RABGEF1: variants seen among roughly 807,000 people sequenced by gnomAD.
RABGEF1 encodes rab5 GDP/GTP exchange factor.
In RABGEF1, 26 loss-of-function variants were observed where a neutral mutation model predicts 57.3. That is an observed-to-expected ratio of 0.45 (90% CI 0.33 to 0.63). RABGEF1 has a LOEUF of 0.63. RABGEF1 is among the 20% of genes least tolerant of loss of function. RABGEF1 has a pLI of 0.02. For synonymous variants in RABGEF1, 185 were observed against 210.7 expected (o/e 0.88, Z 1.06); for missense variants, 464 against 607.6 (o/e 0.76, Z 2.48).
chr7:66,759,394 A>AGG (rs1803644549), intron 1 of RABGEF1, among the ~76,000 whole-genome samples: 1 of 152,208 alleles, frequency 6.6e-6, no homozygotes, highest in Non-Finnish European at 1.5e-5. Context: ...CCAGCCGTAA[A>AGG]CTCTAGCAAC....
chr7:66,741,093 A>G (rs1188224132), intron 1 of RABGEF1, among the ~76,000 whole-genome samples: 1 of 151,936 alleles, frequency 6.6e-6, no homozygotes, highest in Non-Finnish European at 1.5e-5. Flanking sequence ...GACGCGGAGC[A>G]TTTCCTGGCC....
At chr7:66,674,552 C>G in the RABGEF1 span, among the ~76,000 whole-genome samples, 3 of 151,896 alleles carry the variant, frequency 2.0e-5, no homozygotes, top group Non-Finnish European at 4.4e-5. Flanking sequence ...TGGAAACAAC[C>G]CGAATGTCCA....
At chr7:66,695,635 G>T (rs1456802728) in intron 1 of RABGEF1, among the ~76,000 whole-genome samples, 3 of 151,456 alleles carry the variant, frequency 2.0e-5, no homozygotes, top group Non-Finnish European at 4.4e-5. Flanking sequence ...TAGATGACTG[G>T]CTGGGCACGG....
At chr7:66,736,215 G>A (rs532385622), upstream of RABGEF1, among the ~76,000 whole-genome samples, 3 of 152,324 alleles carry the variant, frequency 2.0e-5, no homozygotes, top group South Asian at 2.1e-4. Flanking sequence ...CTTCACCCAT[G>A]CACACACTTT....
intron 1 of RABGEF1, among the ~76,000 whole-genome samples, chr7:66,686,037 G>A (rs546310813): frequency 6.6e-6 from 1 of 152,234 alleles, no homozygotes; most frequent in South Asian, 2.1e-4. Flanking sequence ...CCAACACTTT[G>A]GGAAGCTGAG....
intron 4 of RABGEF1, among the ~76,000 whole-genome samples, chr7:66,789,498 C>T (rs757453127): frequency 5.3e-5 from 8 of 151,704 alleles, no homozygotes; most frequent in South Asian, 4.2e-4. Flanking sequence ...CTGGCTAACA[C>T]GGTGAAACCC....
At chr7:66,744,383 AGAT>A (rs1799710424) in intron 1 of RABGEF1, among the ~76,000 whole-genome samples, 1 of 151,218 alleles carries the variant, frequency 6.6e-6, no homozygotes, top group African/African-American at 2.4e-5. Context: ...AAAAAAAAAA[AGAT>A]AGCCGGGCGC....
the RABGEF1 span, among the ~76,000 whole-genome samples, chr7:66,657,835 A>C: frequency 1.3e-5 from 2 of 152,152 alleles, no homozygotes; most frequent in African/African-American, 4.8e-5. Context: ...AAAATCAATA[A>C]AAATAAAAAA....
At chr7:66,661,675 T>G in the RABGEF1 span, among the ~76,000 whole-genome samples, 2 of 152,196 alleles carry the variant, frequency 1.3e-5, no homozygotes, top group Non-Finnish European at 2.9e-5. Context: ...GTTTTACCAG[T>G]CAATTCTACC....
At chr7:66,742,274 T>A in intron 1 of RABGEF1, among the ~76,000 whole-genome samples, 1 of 152,260 alleles carries the variant, frequency 6.6e-6, no homozygotes, top group Non-Finnish European at 1.5e-5. Flanking sequence ...TAAGAGTCAC[T>A]GATTCATATC....
intron 1 of RABGEF1, among the ~76,000 whole-genome samples, chr7:66,745,098 A>G (rs1799899547): frequency 6.6e-6 from 1 of 151,918 alleles, no homozygotes; most frequent in South Asian, 2.1e-4. Context: ...AGGCTGAGGC[A>G]GGAGAATGGC....
chr7:66,656,481 T>C, the RABGEF1 span, among the ~76,000 whole-genome samples: 1 of 152,062 alleles, frequency 6.6e-6, no homozygotes, highest in Non-Finnish European at 1.5e-5. Context: ...AATCTGATGG[T>C]GACAGAACCA....
chr7:66,740,595 A>G (rs1110414), upstream of RABGEF1: 76,587 of 152,318 alleles, frequency 0.5, 20,175 homozygotes, highest in East Asian at 0.74. Context: ...CTTTGGATCC[A>G]CTCGCACTTC....
intron 1 of RABGEF1, among the ~76,000 whole-genome samples, chr7:66,688,257 A>G (rs1002526163): frequency 3.3e-5 from 5 of 152,174 alleles, no homozygotes; most frequent in Non-Finnish European, 7.4e-5. Context: ...ACCTAACAAC[A>G]GAGCACCAAA....
rs138399637 is a variant in RABGEF1, at chr7:66,751,175, C to T, written c.-18+10383C>T. ...CCTCCTGAGTAGCTGGAATTACAGA[C>T]GTGCGCCACCGCACCTGGCTAATTT... is the stretch of plus-strand genomic sequence containing the variant. On this transcript the variant is annotated intron_variant, in intron 1 of 8. Transcript: ENST00000284957. Among the ~76,000 whole-genome samples, 578 of 152,216 alleles carry T rather than the reference C, an allele frequency of 3.8e-3. 5 individuals are homozygous for T. Among genetic ancestry groups the T allele is most frequent in the Admixed American group, 8.5e-3 (130 of 15,282 alleles).
At chr7:66,704,827 G>T (rs933868589) in intron 1 of RABGEF1, among the ~76,000 whole-genome samples, 2 of 150,752 alleles carry the variant, frequency 1.3e-5, no homozygotes, top group African/African-American at 4.9e-5. Flanking sequence ...AAAAAAAAAA[G>T]TTTAAATAAC....
intron 6 of RABGEF1, among the ~76,000 whole-genome samples, chr7:66,797,892 G>A (rs1170541603): frequency 3.9e-5 from 6 of 152,150 alleles, no homozygotes; most frequent in African/African-American, 1.2e-4. Context: ...CACTTTGGGA[G>A]GATCACTTGA....
chr7:66,751,080 G>T (rs572290181), intron 1 of RABGEF1, among the ~76,000 whole-genome samples: 48 of 151,482 alleles, frequency 3.2e-4, no homozygotes, highest in African/African-American at 1.2e-3. Context: ...GCCTAGGCGG[G>T]AGTGCAGTGG....
intron 1 of RABGEF1, among the ~76,000 whole-genome samples, chr7:66,751,220 G>A (rs1287003537): frequency 2.6e-5 from 4 of 151,976 alleles, no homozygotes; most frequent in Non-Finnish European, 4.4e-5. Context: ...TAGTAGAGAC[G>A]GGGTTTCACC....
Sources: gnomAD v4.1 joint callset for allele counts (sites outside exome capture counted in the v4.1 genomes callset) on GRCh38, gnomAD v4.1.1 for gene constraint, MANE v1.5 for transcripts, NCBI Gene and HGNC (gene_info 2026-07-23, HGNC 2026-07-21) for gene names.